UGT2A1: variants seen among roughly 807,000 people sequenced by gnomAD.
UGT2A1 encodes the protein UDP glucuronosyltransferase family 2 member A1 complex locus.
In UGT2A1, 61 loss-of-function variants were observed where a neutral mutation model predicts 45.4. The ratio of observed to expected loss-of-function variants is 1.34; its 90% CI spans 1.09 to 1.66. UGT2A1 has a LOEUF of 1.66. UGT2A1 is among the 40% of genes most tolerant of loss of function. The probability of loss-of-function intolerance (pLI) is 0.00; values close to 1 mark genes in which losing one functional copy is unlikely to be tolerated. For missense variants in UGT2A1, 649 were observed against 574.3 expected (o/e 1.13, Z -1.33); for synonymous variants, 229 against 196.2 (o/e 1.17, Z -1.40).
At chr4:69,626,142 A>T (rs1721044162) in intron 3 of UGT2A1, among the ~76,000 whole-genome samples, 1 of 150,784 alleles carries the variant, frequency 6.6e-6, no homozygotes. Context: ...ACCTTGTTGG[A>T]TACTGGGCTA....
chr4:69,646,869 G>A, intron 2 of UGT2A1, 61 bp downstream of exon 2: 1 of 1,167,948 alleles, frequency 8.6e-7, no homozygotes, highest in Non-Finnish European at 1.2e-6. Context: ...AAATAAAGAA[G>A]AGGCTCTACA....
chr4:69,652,768 C>T (rs564570355), intron 1 of UGT2A1, among the ~76,000 whole-genome samples: 1 of 152,200 alleles, frequency 6.6e-6, no homozygotes, highest in East Asian at 1.9e-4. Context: ...GTCTTAAGGA[C>T]CACAGTGGTC....
chr4:69,596,213 TA>T, intron 4 of UGT2A1: 1 of 1,459,470 alleles, frequency 6.9e-7, no homozygotes, highest in South Asian at 1.6e-5. Flanking sequence ...CTCCCATTAG[TA>T]AAAAGCTGTG....
intron 3 of UGT2A1, among the ~76,000 whole-genome samples, chr4:69,629,860 G>A (rs915205026): frequency 2.6e-5 from 4 of 151,880 alleles, no homozygotes; most frequent in South Asian, 4.2e-4. Flanking sequence ...GTGAATCATC[G>A]AGTCTCAGAG....
At chr4:69,595,774 G>C (rs1312920179) in intron 4 of UGT2A1, among the ~76,000 whole-genome samples, 2 of 152,104 alleles carry the variant, frequency 1.3e-5, no homozygotes, top group Non-Finnish European at 2.9e-5. Context: ...ACTTAGAAAG[G>C]CTAAGTGAAT....
At chr4:69,621,585 C>T (rs58542357) in intron 3 of UGT2A1, among the ~76,000 whole-genome samples, 9,328 of 151,828 alleles carry the variant, frequency 0.061, 304 homozygotes, top group African/African-American at 0.076. Flanking sequence ...TTGTGGAAAG[C>T]AGTGTGGTGA....
intron 3 of UGT2A1, among the ~76,000 whole-genome samples, chr4:69,634,229 A>C (rs1721553747): frequency 6.6e-6 from 1 of 151,638 alleles, no homozygotes. Context: ...TGAGCGACAG[A>C]GCGAGACTCC....
chr4:69,608,157 C>T (rs1054622523), intron 3 of UGT2A1, among the ~76,000 whole-genome samples: 2 of 152,122 alleles, frequency 1.3e-5, no homozygotes, highest in African/African-American at 4.8e-5. Context: ...ATAGCAAAGA[C>T]TTGGAACCAA....
intron 4 of UGT2A1, among the ~76,000 whole-genome samples, chr4:69,598,512 A>C (rs1257890905): frequency 6.6e-6 from 1 of 152,154 alleles, no homozygotes; most frequent in African/African-American, 2.4e-5. Flanking sequence ...TATATTTATA[A>C]AGAACCAATA....
chr4:69,588,835 C>A lies in UGT2A1; in HGVS notation c.*537G>T, dbSNP rs976798299. 4.6e-5 allele frequency: 7 copies of A among 152,052 alleles called. No individual in the cohort carries two copies. Among genetic ancestry groups the A allele is most frequent in the African/African-American group, 1.7e-4 (7 of 41,384 alleles). The allele number at this position is 152,052 out of a possible 1,614,324, so 9.4% of individuals were successfully genotyped here. A position where few individuals can be genotyped will look rare whatever the true frequency, so the allele number is the denominator to read the frequency against. On this transcript the variant is annotated 3_prime_UTR_variant, in exon 7 of 7. Transcript: ENST00000286604. Reference sequence around the variant, plus strand: ...ACGCACGTCACACTTAAAATTCATTCTCTAACTCCTGAAACATTGAGCAAG... The same window carrying A: ...ACGCACGTCACACTTAAAATTCATTATCTAACTCCTGAAACATTGAGCAAG...
chr4:69,623,302 A>G (rs2109940171), intron 3 of UGT2A1, among the ~76,000 whole-genome samples: 1 of 151,902 alleles, frequency 6.6e-6, no homozygotes, highest in South Asian at 2.1e-4. Flanking sequence ...GGATTACTAC[A>G]ATGTAACACT....
intron 6 of UGT2A1, among the ~76,000 whole-genome samples, chr4:69,593,400 G>A (rs1037158576): frequency 9.9e-5 from 15 of 151,746 alleles, no homozygotes; most frequent in Admixed American, 2.6e-4. Context: ...TTCAAAGCAG[G>A]AGTTCAACTA....
rs188589745 is a variant in UGT2A1 at position 69,649,815 on chromosome 4, T to G, written c.-54-2117A>C. Among the ~76,000 whole-genome samples the G allele has an allele frequency of 1.1e-4, 17 of 152,152 alleles. No homozygotes were observed. The East Asian group carries it at 2.3e-3, about 21-fold the overall frequency. ...ATGCCTGGAGGTGCACAGATAAGAT[T>G]AGTTACACAGAACCAGACATGTCTG... On this transcript the variant is annotated intron_variant, in intron 1 of 6. Transcript: ENST00000286604.
In UGT2A1 at chr4:69,626,133, C is replaced by A. The variant is rs573285253; in HGVS notation, c.847+9558G>T. Among the ~76,000 whole-genome samples, 3 of 150,868 alleles carry A rather than the reference C, an allele frequency of 2.0e-5. No individual in the cohort carries two copies. The East Asian group carries it at 5.8e-4, about 29-fold the overall frequency. ...TTCATAACTTTTTTTTCTGATTTTA[C>A]CTTGTTGGATACTGGGCTATTTTTT... On this transcript the variant is annotated intron_variant, in intron 3 of 6. Coordinates refer to ENST00000286604, the MANE Select transcript of UGT2A1 (RefSeq NM_001252275.3).
chr4:69,626,741 G>T (rs952984897), intron 3 of UGT2A1, among the ~76,000 whole-genome samples: 57 of 151,826 alleles, frequency 3.8e-4, no homozygotes, highest in Non-Finnish European at 5.0e-4. Flanking sequence ...TTAAGAGATT[G>T]CTTGTTCATT....
At chr4:69,599,185 T>C in intron 4 of UGT2A1, 61 bp downstream of exon 4, 1 of 1,520,768 alleles carries the variant, frequency 6.6e-7, no homozygotes, top group Non-Finnish European at 8.8e-7. Context: ...CTATAAACTT[T>C]AAAAGAAAAT....
chr4:69,645,800 A>G (rs901613712), intron 2 of UGT2A1, among the ~76,000 whole-genome samples: 4 of 151,772 alleles, frequency 2.6e-5, no homozygotes, highest in African/African-American at 9.7e-5. Context: ...TGCGGTTCCG[A>G]CGTCATTAGC....
intron 3 of UGT2A1, chr4:69,603,699 C>A (rs62306489): frequency 0.18 from 24,847 of 134,968 alleles, 6,001 homozygotes; most frequent in Non-Finnish European, 0.22. Context: ...TAACTAGAAT[C>A]ACCAATGAAG....
chr4:69,646,496 T>C (rs1722265298), intron 2 of UGT2A1, among the ~76,000 whole-genome samples: 1 of 151,830 alleles, frequency 6.6e-6, no homozygotes, highest in Non-Finnish European at 1.5e-5. Flanking sequence ...ATTTATTAAG[T>C]GATGATCAGA....
Sources: allele counts gnomAD v4.1 joint callset (sites outside exome capture counted in the v4.1 genomes callset), GRCh38; gene constraint gnomAD v4.1.1; transcripts MANE v1.5; gene names NCBI Gene and HGNC (gene_info 2026-07-23, HGNC 2026-07-21).